TFDP2: variants seen among roughly 807,000 people sequenced by gnomAD.
TFDP2 encodes the protein transcription factor Dp-2.
In TFDP2, 17 loss-of-function variants were observed where a neutral mutation model predicts 59.3. That is an observed-to-expected ratio of 0.29 (90% confidence interval 0.20 to 0.43). TFDP2 has a LOEUF of 0.43. Ranked by LOEUF, TFDP2 falls within the 20% of genes least tolerant of loss-of-function variation. The pLI is 1.00. For missense variants in TFDP2, 391 were observed against 528.8 expected (o/e 0.74, Z 2.56); for synonymous variants, 180 against 194.7 (o/e 0.92, Z 0.63).
At chr3:142,070,741 A>G (rs891168857) in intron 3 of TFDP2, among the ~76,000 whole-genome samples, 1 of 152,196 alleles carries the variant, frequency 6.6e-6, no homozygotes, top group Non-Finnish European at 1.5e-5. Context: ...TCATTATATA[A>G]TATTCCTCTT....
intron 4 of TFDP2, chr3:142,000,398 A>G: frequency 1.5e-6 from 1 of 679,552 alleles, no homozygotes; most frequent in African/African-American, 1.8e-5. Context: ...AACCTCTTTT[A>G]TAAGGGCACT....
In TFDP2 at chr3:141,952,067, T is replaced by C. The variant is rs543413021; in HGVS notation, c.*446A>G. ...GCTCCCCTCTCCTGGGGACTTTTCA[T>C]GTTCATTTCTGCCTTGTCAAAGGCA... is the stretch of plus-strand genomic sequence containing the variant. On this transcript the variant is annotated 3_prime_UTR_variant, in exon 13 of 13. Coordinates refer to ENST00000489671, the MANE Select transcript of TFDP2 (RefSeq NM_001178139.2). 1 of 153,832 alleles carries C rather than the reference T, an allele frequency of 6.5e-6. No individual in the cohort carries two copies. The highest frequency in any genetic ancestry group is 2.1e-4 in the South Asian group (1 of 4,866). 9.5% of individuals were successfully genotyped at this position (153,832 alleles called of 1,614,324 possible).
chr3:142,072,014 C>G (rs550613822), intron 3 of TFDP2, among the ~76,000 whole-genome samples: 2 of 152,074 alleles, frequency 1.3e-5, no homozygotes, highest in Admixed American at 1.3e-4. Context: ...GGTGAAATCA[C>G]CTGGGGAGAA....
chr3:142,069,629 G>A (rs868140922), intron 3 of TFDP2, among the ~76,000 whole-genome samples: 2 of 149,208 alleles, frequency 1.3e-5, no homozygotes, highest in African/African-American at 2.5e-5. Flanking sequence ...TTTTTGAGAC[G>A]GAGTTTCGCT....
chr3:141,952,473 C>T lies in TFDP2; in HGVS notation c.*40G>A. ...AACAAGAGCTCACACTACAAACACACATGAGCATCACATATTGAAACGTAG... is the reference window on the plus strand; with the variant it reads ...AACAAGAGCTCACACTACAAACACATATGAGCATCACATATTGAAACGTAG... On this transcript the variant is annotated 3_prime_UTR_variant, in exon 13 of 13. Coordinates refer to ENST00000489671, the MANE Select transcript of TFDP2 (RefSeq NM_001178139.2). The T allele has an allele frequency of 6.7e-7, 1 of 1,487,208 alleles. No homozygotes were observed. Among genetic ancestry groups the T allele is most frequent in the African/African-American group, 1.4e-5 (1 of 70,218 alleles). The allele number at this position is 1,487,208 out of a possible 1,614,324, so 92.1% of individuals were successfully genotyped here. A position where few individuals can be genotyped will look rare whatever the true frequency, so the allele number is the denominator to read the frequency against.
intron 3 of TFDP2, among the ~76,000 whole-genome samples, chr3:142,037,562 A>G (rs554306667): frequency 6.6e-6 from 1 of 152,330 alleles, no homozygotes; most frequent in South Asian, 2.1e-4. Context: ...GGCTCACATA[A>G]TACCCATAAT....
At chr3:142,053,943 A>G (rs1342668557) in intron 3 of TFDP2, among the ~76,000 whole-genome samples, 2 of 152,200 alleles carry the variant, frequency 1.3e-5, no homozygotes, top group African/African-American at 2.4e-5. Flanking sequence ...ACTGAGCACC[A>G]AACTCACTTG....
chr3:142,012,139 A>C (rs1346104020), intron 3 of TFDP2, among the ~76,000 whole-genome samples: 1 of 151,494 alleles, frequency 6.6e-6, no homozygotes, highest in Non-Finnish European at 1.5e-5. Context: ...CAGCCTCCCA[A>C]GTAGCTGGGA....
intron 2 of TFDP2, among the ~76,000 whole-genome samples, chr3:142,100,232 A>C (rs1467062973): frequency 2.6e-5 from 4 of 152,246 alleles, no homozygotes; most frequent in African/African-American, 9.6e-5. Context: ...GACCCTCAGC[A>C]GCCATTTCAT....
chr3:142,147,980 AC>A (rs2063231597), intron 1 of TFDP2, among the ~76,000 whole-genome samples: 1 of 152,328 alleles, frequency 6.6e-6, no homozygotes, highest in African/African-American at 2.4e-5. Flanking sequence ...TTTTATATCT[AC>A]TTTTAAAGAG....
chr3:142,113,939 C>CAT (rs2061753255), intron 1 of TFDP2, among the ~76,000 whole-genome samples: 1 of 151,986 alleles, frequency 6.6e-6, no homozygotes, highest in Admixed American at 6.5e-5. Context: ...CCGAGGCGGG[C>CAT]GGATCACGAG....
At chr3:142,109,644 G>C (rs903246311) in intron 1 of TFDP2, among the ~76,000 whole-genome samples, 1 of 151,796 alleles carries the variant, frequency 6.6e-6, no homozygotes, top group African/African-American at 2.4e-5. Context: ...ATAGTGTTTT[G>C]AATGTCATTT....
At chr3:142,110,228 G>C (rs1157643203) in intron 1 of TFDP2, among the ~76,000 whole-genome samples, 2 of 152,118 alleles carry the variant, frequency 1.3e-5, no homozygotes, top group African/African-American at 4.8e-5. Context: ...ATGCAGCCAG[G>C]CACGGTGGCT....
At chr3:142,147,073 AAAG>A (rs1305519584) in intron 1 of TFDP2, among the ~76,000 whole-genome samples, 1 of 151,822 alleles carries the variant, frequency 6.6e-6, no homozygotes, top group Non-Finnish European at 1.5e-5. Flanking sequence ...AAAAAAAAAA[AAAG>A]AATTGATCAA....
rs561770241 is a variant in TFDP2 at position 142,111,163 on chromosome 3, T to C, written c.-92-9322A>G. Among the ~76,000 whole-genome samples, 19 of 152,224 alleles carry C rather than the reference T, an allele frequency of 1.2e-4. 1 individual carries two copies. The East Asian group carries it at 3.5e-3, about 28-fold the overall frequency. ...ATAGAAACAGGCTGGGTGCGGTGGC[T>C]CACGCCTGTAATCCCAGCACTTTGG... On this transcript the variant is annotated intron_variant, in intron 1 of 12. Coordinates refer to ENST00000489671, the MANE Select transcript of TFDP2 (RefSeq NM_001178139.2).
chr3:141,975,194 G>A lies in TFDP2; in HGVS notation c.520-1003C>T, dbSNP rs539798720. The stretch of plus-strand genomic sequence containing the variant: ...CCCAAAGTGCTAGGATTACAGGTGT[G>A]AGCCACCATGCCCGGCCTTTTTCTT... On this transcript the variant is annotated intron_variant, in intron 7 of 12. Transcript: ENST00000489671. 3.3e-5 allele frequency among the ~76,000 whole-genome samples: 5 copies of A among 151,988 alleles called. No individual in the cohort carries two copies. In the East Asian group the frequency reaches 9.7e-4, roughly 29 times the overall value.
intron 6 of TFDP2, among the ~76,000 whole-genome samples, chr3:141,980,238 TAAAAA>T (rs199763613): frequency 9.0e-6 from 1 of 111,346 alleles, no homozygotes; most frequent in South Asian, 2.8e-4. Flanking sequence ...GTTTCAAAAG[TAAAAA>T]AAAAAAAAAA....
chr3:142,129,204 A>G (rs73236017), intron 1 of TFDP2, among the ~76,000 whole-genome samples: 2 of 148,142 alleles, frequency 1.4e-5, no homozygotes, highest in Non-Finnish European at 3.0e-5. Flanking sequence ...GAGGCTGGTT[A>G]AAAAAAAAAA....
chr3:142,000,023 C>A (rs1943630643), intron 4 of TFDP2, among the ~76,000 whole-genome samples: 1 of 152,162 alleles, frequency 6.6e-6, no homozygotes, highest in Admixed American at 6.5e-5. Context: ...GCGTGAGCCA[C>A]CACGCCCAGC....
Sources: allele counts gnomAD v4.1 joint callset (sites outside exome capture counted in the v4.1 genomes callset), GRCh38; gene constraint gnomAD v4.1.1; transcripts MANE v1.5; gene names NCBI Gene and HGNC (gene_info 2026-07-23, HGNC 2026-07-21).